The following ASB16 variants were observed in gnomAD, a reference collection of about 807,000 sequenced individuals.
ASB16 encodes ankyrin repeat and SOCS box containing 16.
A neutral mutation model predicts 39.1 loss-of-function variants in ASB16; 44 were observed. The ratio of observed to expected loss-of-function variants is 1.13; its 90% CI spans 0.88 to 1.45. The LOEUF is 1.45. Ranked by LOEUF, ASB16 falls within the 40% of genes most tolerant of loss-of-function variation. The pLI is 0.00. For synonymous variants in ASB16, 305 were observed against 286.7 expected (o/e 1.06, Z -0.64); for missense variants, 698 against 634.5 (o/e 1.10, Z -1.07).
intron 2 of ASB16, among the ~76,000 whole-genome samples, chr17:44,172,614 G>C (rs1035559325): frequency 5.3e-5 from 8 of 151,988 alleles, no homozygotes; most frequent in Admixed American, 3.3e-4. Flanking sequence ...ATCCTTTGTA[G>C]CCAAACCTAG....
chr17:44,177,551 CT>C (rs1212113295), intron 3 of ASB16, 57 bp from the exon 4 acceptor site: 1 of 1,584,198 alleles, frequency 6.3e-7, no homozygotes, highest in African/African-American at 1.3e-5. Flanking sequence ...TGAGGCAAGA[CT>C]TGGGTCTGCC....
In ASB16 at chr17:44,171,021, C is replaced by T. The variant is rs1459760121; in HGVS notation, c.232C>T (p.Gln78Ter). 1 of 1,614,098 alleles carries T rather than the reference C, an allele frequency of 6.2e-7. No individual in the cohort carries two copies. The highest frequency in any genetic ancestry group is 8.5e-7 in the Non-Finnish European group (1 of 1,180,036). The stretch of plus-strand genomic sequence containing the variant: ...CCTGCAGCAGGTCCAAGCCCTGTTC[C>T]AAGATGAAGAGGCCGCCAACATGAT... ...GNLQQVQALF[Q>*]DEEAANMIVE... is the part of the protein sequence containing the mutation. The change falls in exon 1 of 5, where the codon CAA becomes TAA. Residue 78 changes from glutamine to a stop codon, truncating the protein, a stop_gained. Coordinates refer to ENST00000293414, the MANE Select transcript of ASB16 (RefSeq NM_080863.5). LOFTEE classifies it high-confidence loss of function.
In ASB16 at chr17:44,170,746, TG is replaced by T. The variant is rs2054235246; in HGVS notation, c.-42del. On this transcript the variant is annotated 5_prime_UTR_variant, in exon 1 of 5. Transcript: ENST00000293414. ...GGGAGGTAGTCGGGTCGAGGGAACC[TG>T]GCTCTGCCCAGGTGCCACTGCCCAA... 7 of 1,532,660 alleles carry T rather than the reference TG, an allele frequency of 4.6e-6. No individual in the cohort carries two copies. The highest frequency in any genetic ancestry group is 6.1e-6 in the Non-Finnish European group (7 of 1,140,424). 94.9% of individuals were successfully genotyped at this position (1,532,660 alleles called of 1,614,324 possible).
Position 44,177,717 on chromosome 17 carries a change from TGGAAG to T in ASB16, c.1173_1176+1del, listed in dbSNP as rs771881364. ...GGTGGAGGCGGTGCTCCCAGAGCTG[TGGAAG>T]GTATGTTTGCCTCAGGGCCGAGATG... On this transcript the variant is annotated frameshift_variant and splice_region_variant, in exon 4 of 5. Coordinates refer to ENST00000293414, the MANE Select transcript of ASB16 (RefSeq NM_080863.5). LOFTEE classifies it high-confidence loss of function. The T allele has an allele frequency of 1.2e-6, 2 of 1,613,398 alleles. No individual in the cohort carries two copies. The highest frequency in any genetic ancestry group is 3.3e-5 in the Admixed American group (2 of 59,948).
At chr17:44,177,581 G>A in intron 3 of ASB16, 28 bp from the exon 4 acceptor site, 1 of 1,607,898 alleles carries the variant, frequency 6.2e-7, no homozygotes, top group Non-Finnish European at 8.5e-7. Flanking sequence ...GGGGAGGCAT[G>A]TGCCCAAGAC....
At chr17:44,172,686 C>T (rs542967277) in intron 2 of ASB16, among the ~76,000 whole-genome samples, 266 of 150,208 alleles carry the variant, frequency 1.8e-3, no homozygotes, top group Middle Eastern at 0.014. Context: ...AGTGCAGTGG[C>T]GTGGTCTCAG....
At chr17:44,176,687 G>C in intron 2 of ASB16, 51 bp from the exon 3 acceptor site, 1 of 1,613,512 alleles carries the variant, frequency 6.2e-7, no homozygotes, top group Non-Finnish European at 8.5e-7. Flanking sequence ...CAAGCTGAAG[G>C]GGTCCCAAGC....
chr17:44,170,894 G>C lies in ASB16; in HGVS notation c.105G>C (p.Gln35His), dbSNP rs1434213232. Residue 35 changes from glutamine (Q) to histidine (H), a missense_variant, in exon 1 of 5, where the codon CAG becomes CAC. Coordinates refer to ENST00000293414, the MANE Select transcript of ASB16 (RefSeq NM_080863.5). ...WEDRRRAAAQ[Q>H]CRSRRCPSSP... ...ACCGGCGGCGGGCGGCTGCCCAGCA[G>C]TGCCGGAGCCGCAGGTGCCCGTCAA... 1 of 1,612,030 alleles carries C rather than the reference G, an allele frequency of 6.2e-7. No individual in the cohort carries two copies. The highest frequency in any genetic ancestry group is 2.2e-5 in the East Asian group (1 of 44,842).
In ASB16 at chr17:44,178,410, C is replaced by A; in HGVS notation, c.*20C>A. ...CAGTGAACCCCATGTCAGGCTGTCC[C>A]ATGGTGTGTTCTGCCCCTCCCACCT... is the stretch of plus-strand genomic sequence containing the variant. On this transcript the variant is annotated 3_prime_UTR_variant, in exon 5 of 5. Coordinates refer to ENST00000293414, the MANE Select transcript of ASB16 (RefSeq NM_080863.5). The A allele has an allele frequency of 1.3e-6, 2 of 1,562,196 alleles. No homozygotes were observed. The highest frequency in any genetic ancestry group is 8.7e-7 in the Non-Finnish European group (1 of 1,149,512).
intron 2 of ASB16, among the ~76,000 whole-genome samples, chr17:44,173,083 T>TAAAAAAA (rs770273961): frequency 1.3e-5 from 1 of 77,590 alleles, no homozygotes; most frequent in Non-Finnish European, 2.6e-5. Flanking sequence ...GAGACTGTCT[T>TAAAAAAA]AAAAAAAAAA....
At position 44,170,733 on chromosome 17, in the gene ASB16, G is replaced by A; in HGVS notation, c.-57G>A. The A allele has an allele frequency of 6.6e-7, 1 of 1,519,500 alleles. No individual in the cohort carries two copies. The highest frequency in any genetic ancestry group is 8.8e-7 in the Non-Finnish European group (1 of 1,132,042). The allele number at this position is 1,519,500 out of a possible 1,614,324, so 94.1% of individuals were successfully genotyped here. ...CTCCTCAGAGCAAGGGAGGTAGTCG[G>A]GTCGAGGGAACCTGGCTCTGCCCAG... On this transcript the variant is annotated 5_prime_UTR_variant, in exon 1 of 5. Coordinates refer to ENST00000293414, the MANE Select transcript of ASB16 (RefSeq NM_080863.5).
rs747322316 is a variant in ASB16, at chr17:44,177,177, G to A, written c.1009G>A (p.Glu337Lys). The change falls in exon 3 of 5, where the codon GAA becomes AAA. Residue 337 changes from glutamate to lysine, a missense_variant. Transcript: ENST00000293414. ...AVQDSPNWEP[E>K]VLFAALLDYG... The stretch of plus-strand genomic sequence containing the variant: ...CCAGGACTCCCCCAACTGGGAGCCT[G>A]AAGTCCTTTTCGCCGCACTGCTGGA... The A allele has an allele frequency of 4.0e-4, 617 of 1,535,984 alleles. No individual in the cohort carries two copies. The highest frequency in any genetic ancestry group is 5.2e-4 in the Non-Finnish European group (589 of 1,142,348).
chr17:44,176,957 C>A lies in ASB16; in HGVS notation c.789C>A (p.His263Gln). The A allele has an allele frequency of 6.7e-7, 1 of 1,497,286 alleles. No homozygotes were observed. Among genetic ancestry groups the A allele is most frequent in the South Asian group, 1.3e-5 (1 of 78,960 alleles). 92.8% of individuals were successfully genotyped at this position (1,497,286 alleles called of 1,614,324 possible). A position where few individuals can be genotyped will look rare whatever the true frequency, so the allele number is the denominator to read the frequency against. Reference protein sequence around the residue: ...GAEGPGSCRRHQAAARRLLEA... With the variant: ...GAEGPGSCRRQQAAARRLLEA... Reference sequence around the variant, plus strand: ...AGGGCCCAGGTAGCTGCAGGCGACACCAGGCTGCGGCGCGCCGGCTCCTGG... The same window carrying A: ...AGGGCCCAGGTAGCTGCAGGCGACAACAGGCTGCGGCGCGCCGGCTCCTGG... Residue 263 changes from histidine (H) to glutamine (Q), a missense_variant, in exon 3 of 5, where the codon CAC becomes CAA. His to Gln is a conservative substitution (Grantham distance 24, BLOSUM62 0). Coordinates refer to ENST00000293414, the MANE Select transcript of ASB16 (RefSeq NM_080863.5).
intron 4 of ASB16, 49 bp from the exon 5 acceptor site, chr17:44,178,156 C>T (rs998305682): frequency 6.3e-7 from 1 of 1,598,256 alleles, no homozygotes; most frequent in Admixed American, 1.7e-5. Context: ...TGGGTTGCCC[C>T]CAGATGGTAG....
chr17:44,172,761 T>C (rs1416342848), intron 2 of ASB16, among the ~76,000 whole-genome samples: 1 of 148,260 alleles, frequency 6.7e-6, no homozygotes, highest in Non-Finnish European at 1.5e-5. Flanking sequence ...GAATTACAGG[T>C]GTGTGCCACC....
chr17:44,173,029 G>A (rs1485647999), intron 2 of ASB16, among the ~76,000 whole-genome samples: 1 of 145,038 alleles, frequency 6.9e-6, no homozygotes, highest in Non-Finnish European at 1.5e-5. Flanking sequence ...GAACCCGGGA[G>A]GCAGAGGTTG....
Position 44,171,042 on chromosome 17 carries a change from A to T in ASB16, c.253A>T (p.Met85Leu), listed in dbSNP as rs1231943704. 5.6e-6 allele frequency: 9 copies of T among 1,614,000 alleles called. No homozygotes were observed. The highest frequency in any genetic ancestry group is 7.6e-6 in the Non-Finnish European group (9 of 1,179,986). The change falls in exon 1 of 5, where the codon ATG becomes TTG. Residue 85 changes from methionine to leucine, a missense_variant. Coordinates refer to ENST00000293414, the MANE Select transcript of ASB16 (RefSeq NM_080863.5). ...ALFQDEEAAN[M>L]IVETVSNQLA... ...GTTCCAAGATGAAGAGGCCGCCAACATGATTGTGGAGACTGTGAGCAACCA... is the reference window on the plus strand; with the variant it reads ...GTTCCAAGATGAAGAGGCCGCCAACTTGATTGTGGAGACTGTGAGCAACCA...
chr17:44,178,734 G>T lies in ASB16; in HGVS notation c.*344G>T. On this transcript the variant is annotated 3_prime_UTR_variant, in exon 5 of 5. Transcript: ENST00000293414. ...TCCACCCGCCTTGGCCTCCCAAAGT[G>T]TTGGGATTACAGGCATGAGCCACTG... is the stretch of plus-strand genomic sequence containing the variant. 1 of 299,796 alleles carries T rather than the reference G, an allele frequency of 3.3e-6. No homozygotes were observed. The highest frequency in any genetic ancestry group is 6.4e-6 in the Non-Finnish European group (1 of 157,312). 18.6% of individuals were successfully genotyped at this position (299,796 alleles called of 1,614,324 possible).
chr17:44,177,012 C>A lies in ASB16; in HGVS notation c.844C>A (p.Arg282Ser). The change falls in exon 3 of 5, where the codon CGC becomes AGC. Residue 282 changes from arginine to serine, a missense_variant. Arg to Ser is a moderately radical substitution (Grantham distance 110). Transcript: ENST00000293414. Reference protein sequence around the residue: ...EAGADARAAGRKRHTPLHNAC... With the variant: ...EAGADARAAGSKRHTPLHNAC... ...TGGAGCTGATGCCCGGGCGGCCGGG[C>A]GCAAGCGCCACACGCCGCTGCACAA... 1 of 1,489,436 alleles carries A rather than the reference C, an allele frequency of 6.7e-7. No homozygotes were observed. The highest frequency in any genetic ancestry group is 2.7e-5 in the East Asian group (1 of 36,718). 92.3% of individuals were successfully genotyped at this position (1,489,436 alleles called of 1,614,324 possible). A position where few individuals can be genotyped will look rare whatever the true frequency, so the allele number is the denominator to read the frequency against.
Sources: allele counts gnomAD v4.1 joint callset (sites outside exome capture counted in the v4.1 genomes callset), GRCh38; gene constraint gnomAD v4.1.1; transcripts MANE v1.5; gene names NCBI Gene and HGNC (gene_info 2026-07-23, HGNC 2026-07-21).